FAM53B: variants seen among roughly 807,000 people sequenced by gnomAD.
FAM53B encodes protein FAM53B.
FAM53B carries 12 observed loss-of-function variants against 32.7 expected under a neutral mutation model. That is an observed-to-expected ratio of 0.37 (90% CI 0.24 to 0.59). The LOEUF (loss-of-function observed/expected upper bound fraction) is 0.59. FAM53B is among the 20% of genes least tolerant of loss of function. FAM53B has a pLI of 0.72. For missense variants in FAM53B, 477 were observed against 577.7 expected (o/e 0.83, Z 1.79); for synonymous variants, 234 against 228.7 (o/e 1.02, Z -0.21).
intron 4 of FAM53B, among the ~76,000 whole-genome samples, chr10:124,631,547 GC>G (rs1949391126): frequency 1.3e-5 from 2 of 152,172 alleles, no homozygotes; most frequent in African/African-American, 4.8e-5. Context: ...CACTCCGTTG[GC>G]CTGGGGAGTT....
chr10:124,635,801 G>T (rs1391505924), intron 4 of FAM53B, among the ~76,000 whole-genome samples: 7 of 152,106 alleles, frequency 4.6e-5, no homozygotes, highest in African/African-American at 1.7e-4. Context: ...CACAAAGTGG[G>T]TACATCTGTG....
chr10:124,739,904 A>T (rs1261883906), intron 1 of FAM53B, among the ~76,000 whole-genome samples: 1 of 152,190 alleles, frequency 6.6e-6, no homozygotes, highest in African/African-American at 2.4e-5. Flanking sequence ...GGCTGCTTTC[A>T]GATCCACCCA....
rs563535518 is a variant in FAM53B at position 124,623,309 on chromosome 10, C to A, written c.1202G>T (p.Gly401Val). 2 of 1,612,402 alleles carry A rather than the reference C, an allele frequency of 1.2e-6. No homozygotes were observed. The highest frequency in any genetic ancestry group is 2.7e-5 in the African/African-American group (2 of 75,056). ...GGAGCAGAGGCTGTTCCCAGGGGCC[C>A]CGCGGTCCCGCCAGGCTGCAGCCGG... ...AEPAAAWRDR[G>V]APGNSLCSLD... Residue 401 changes from glycine to valine, a missense_variant, in exon 5 of 5, where the codon GGG becomes GTG. Coordinates refer to ENST00000337318, the MANE Select transcript of FAM53B (RefSeq NM_014661.4).
At chr10:124,660,148 C>G (rs1475064791) in intron 4 of FAM53B, among the ~76,000 whole-genome samples, 1 of 152,180 alleles carries the variant, frequency 6.6e-6, no homozygotes, top group African/African-American at 2.4e-5. Context: ...TGGCGAGAAG[C>G]CCAGTGCTGC....
At chr10:124,650,993 G>A (rs759508398) in intron 4 of FAM53B, among the ~76,000 whole-genome samples, 1 of 151,844 alleles carries the variant, frequency 6.6e-6, no homozygotes. Context: ...GAGGCTCCAC[G>A]CATGTGAATT....
In FAM53B at chr10:124,706,776, G is replaced by A. The variant is rs1949962226; in HGVS notation, c.-63C>T. The A allele has an allele frequency of 7.4e-6, 12 of 1,611,064 alleles. No individual in the cohort carries two copies. The highest frequency in any genetic ancestry group is 1.0e-5 in the Non-Finnish European group (12 of 1,178,454). ...GGTATCAGCCATCTTCACTTGGGCA[G>A]ACTTGGGGTGAGTACCTCCTGGGGA... On this transcript the variant is annotated 5_prime_UTR_variant, in exon 2 of 5. Transcript: ENST00000337318.
rs1949553008 is a variant in FAM53B at position 124,651,151 on chromosome 10, C to T, written c.907-27547G>A. ...ACAGGGGCAAAGCCAAGCCTTCTGT[C>T]CTTGCCGGCCTCGGTTTCTCCCTTT... On this transcript the variant is annotated intron_variant, in intron 4 of 4. Coordinates refer to ENST00000337318, the MANE Select transcript of FAM53B (RefSeq NM_014661.4). This position sits in a 1 kb window ranked among gnomAD's most constrained non-coding sequence, Gnocchi z 5.2. Among the ~76,000 whole-genome samples the T allele has an allele frequency of 6.6e-6, 1 of 152,258 alleles. No homozygotes were observed. Among genetic ancestry groups the T allele is most frequent in the African/African-American group, 2.4e-5 (1 of 41,464 alleles).
At chr10:124,689,746 C>T (rs1053378360) in intron 3 of FAM53B, among the ~76,000 whole-genome samples, 1 of 152,242 alleles carries the variant, frequency 6.6e-6, no homozygotes, top group African/African-American at 2.4e-5. Context: ...GCTGCCACTG[C>T]TTCTGGGAAG....
rs1351471196 is a variant in FAM53B at position 124,651,819 on chromosome 10, G to C, written c.907-28215C>G. Among the ~76,000 whole-genome samples, 1 of 152,186 alleles carries C rather than the reference G, an allele frequency of 6.6e-6. No individual in the cohort carries two copies. Among genetic ancestry groups the C allele is most frequent in the Non-Finnish European group, 1.5e-5 (1 of 68,026 alleles). On this transcript the variant is annotated intron_variant, in intron 4 of 4. Transcript: ENST00000337318. This position sits in a 1 kb window ranked among gnomAD's most constrained non-coding sequence, Gnocchi z 5.2. ...CCACCCCTGCTGTCTACTATGACTGGGCCTGGAACGTTCACGCCAGCCCCA... is the reference window on the plus strand; with the variant it reads ...CCACCCCTGCTGTCTACTATGACTGCGCCTGGAACGTTCACGCCAGCCCCA...
intron 3 of FAM53B, among the ~76,000 whole-genome samples, chr10:124,686,347 G>T (rs1949803074): frequency 6.6e-6 from 1 of 152,172 alleles, no homozygotes; most frequent in Non-Finnish European, 1.5e-5. Flanking sequence ...AGCCTCTAAG[G>T]CCTATAAGAT....
intron 4 of FAM53B, among the ~76,000 whole-genome samples, chr10:124,640,710 G>C (rs141870573): frequency 8.0e-4 from 122 of 152,290 alleles, no homozygotes; most frequent in African/African-American, 2.8e-3. Context: ...GGGAGGGGGC[G>C]CTACTGTCAT....
chr10:124,731,128 AT>A (rs1228177339), intron 1 of FAM53B, among the ~76,000 whole-genome samples: 1 of 152,224 alleles, frequency 6.6e-6, no homozygotes, highest in Non-Finnish European at 1.5e-5. Flanking sequence ...AGAACCCTAT[AT>A]TCTTCATCTA....
At chr10:124,663,312 TC>T (rs1429305288) in intron 4 of FAM53B, among the ~76,000 whole-genome samples, 3 of 152,206 alleles carry the variant, frequency 2.0e-5, no homozygotes, top group Non-Finnish European at 4.4e-5. Flanking sequence ...TGGCTAAGGT[TC>T]CTGACATGAA....
intron 4 of FAM53B, among the ~76,000 whole-genome samples, chr10:124,653,682 C>T (rs1398707569): frequency 6.6e-6 from 1 of 152,232 alleles, no homozygotes; most frequent in African/African-American, 2.4e-5. Context: ...CAGGACCCTC[C>T]CAGTCTCAGC....
intron 4 of FAM53B, among the ~76,000 whole-genome samples, chr10:124,661,111 G>A (rs1949628891): frequency 6.6e-6 from 1 of 150,928 alleles, no homozygotes; most frequent in Non-Finnish European, 1.5e-5. Context: ...GTGGGCTATG[G>A]TGTGCTGACC....
intron 1 of FAM53B, among the ~76,000 whole-genome samples, chr10:124,719,417 G>A (rs1205208952): frequency 1.3e-5 from 2 of 152,120 alleles, no homozygotes; most frequent in Non-Finnish European, 2.9e-5. Context: ...AAACACCTTG[G>A]GATGCCAAGG....
chr10:124,686,267 C>T (rs767731579), intron 3 of FAM53B, among the ~76,000 whole-genome samples: 3 of 152,190 alleles, frequency 2.0e-5, no homozygotes, highest in African/African-American at 4.8e-5. Flanking sequence ...GAGGTAACTA[C>T]CAAAACCCAG....
intron 1 of FAM53B, among the ~76,000 whole-genome samples, chr10:124,709,609 C>T (rs6597850): frequency 0.94 from 142,451 of 152,180 alleles, 67,359 homozygotes; most frequent in Non-Finnish European, 1. Context: ...TCCTTTGCAC[C>T]GTAAGAGCCC....
intron 4 of FAM53B, among the ~76,000 whole-genome samples, chr10:124,641,045 C>T (rs957573658): frequency 2.7e-4 from 41 of 152,292 alleles, no homozygotes; most frequent in Non-Finnish European, 1.9e-4. Context: ...GCTGAAAGCA[C>T]CCAGAAGACA....
Sources: allele counts gnomAD v4.1 joint callset (sites outside exome capture counted in the v4.1 genomes callset), GRCh38; gene constraint gnomAD v4.1.1; non-coding constraint Gnocchi (gnomAD v3.1); transcripts MANE v1.5; gene names NCBI Gene and HGNC (gene_info 2026-07-23, HGNC 2026-07-21).